The following HMBOX1 variants were observed in gnomAD, a reference collection of about 807,000 sequenced individuals.
The protein encoded by HMBOX1 is homeobox-containing protein 1.
Under a neutral mutation model 54.5 loss-of-function variants are expected in HMBOX1, and 14 were observed. The ratio of observed to expected loss-of-function variants is 0.26; its 90% CI spans 0.17 to 0.40. The LOEUF is 0.40. Ranked by LOEUF, HMBOX1 falls within the 10% of genes least tolerant of loss-of-function variation. HMBOX1 has a pLI of 1.00. For missense variants in HMBOX1, 332 were observed against 514.4 expected (o/e 0.65, Z 3.43); for synonymous variants, 160 against 181.0 (o/e 0.88, Z 0.93).
chr8:28,999,995 T>A (rs575524223), intron 4 of HMBOX1, among the ~76,000 whole-genome samples: 2 of 152,326 alleles, frequency 1.3e-5, no homozygotes, highest in South Asian at 4.1e-4. Flanking sequence ...CTAAGTAATG[T>A]GGAAACTCTG....
rs993225865 is a variant in HMBOX1, at chr8:29,051,727, G to C, written c.*572G>C. The C allele has an allele frequency of 4.6e-6, 3 of 658,510 alleles. No homozygotes were observed. The Admixed American group carries it at 6.3e-5, about 14-fold the overall frequency. The allele number at this position is 658,510 out of a possible 1,614,324, so 40.8% of individuals were successfully genotyped here. A position where few individuals can be genotyped will look rare whatever the true frequency, so the allele number is the denominator to read the frequency against. ...ACTGTGGCTAGATTATACTTCTTTG[G>C]GTGCTGTGCTAAGAATGTCAATGGA... On this transcript the variant is annotated 3_prime_UTR_variant, in exon 10 of 10. Transcript: ENST00000287701.
intron 1 of HMBOX1, among the ~76,000 whole-genome samples, chr8:28,915,233 A>G (rs1816276462): frequency 6.6e-6 from 1 of 152,164 alleles, no homozygotes; most frequent in Admixed American, 6.5e-5. Context: ...TATGAAGTAA[A>G]AAGAAACAGA....
At chr8:28,996,690 A>T (rs544484154) in intron 4 of HMBOX1, among the ~76,000 whole-genome samples, 1 of 152,242 alleles carries the variant, frequency 6.6e-6, no homozygotes, top group Non-Finnish European at 1.5e-5. Context: ...TTCCCAAATC[A>T]TGCAGATTTA....
At position 28,900,271 on chromosome 8, in the gene HMBOX1, A is replaced by AAATATAT. The variant is rs747317282; in HGVS notation, c.-58+9594_-58+9595insATATATA. Among the ~76,000 whole-genome samples, 196 of 70,344 alleles carry AAATATAT rather than the reference A, an allele frequency of 2.8e-3. 3 individuals carry two copies. The highest frequency in any genetic ancestry group is 6.0e-3 in the East Asian group (16 of 2,674). The allele number at this position is 70,344 out of a possible 152,430, so 46.1% of individuals were successfully genotyped here. A position where few individuals can be genotyped will look rare whatever the true frequency, so the allele number is the denominator to read the frequency against. ...TTCCGTCTCAAAAAAAAAAAAAAAAAATATATATATATATATATATTTTGT... is the reference window on the plus strand; with the variant it reads ...TTCCGTCTCAAAAAAAAAAAAAAAAAAATATATATATATATATATATATATATTTTGT... On this transcript the variant is annotated intron_variant, in intron 1 of 9. Transcript: ENST00000287701.
chr8:29,023,992 G>A (rs867530624), intron 6 of HMBOX1, among the ~76,000 whole-genome samples: 2 of 152,118 alleles, frequency 1.3e-5, no homozygotes, highest in Admixed American at 6.5e-5. Context: ...GTTATCTATC[G>A]ACGATTGTTT....
Position 29,050,266 on chromosome 8 carries a change from C to A in HMBOX1, c.1126-752C>A, listed in dbSNP as rs551588409. 4.1e-6 allele frequency: 4 copies of A among 972,338 alleles called. No homozygotes were observed. The African/African-American group carries it at 7.0e-5, about 17-fold the overall frequency. The allele number at this position is 972,338 out of a possible 1,614,324, so 60.2% of individuals were successfully genotyped here. ...CTGAAGATGACAGGTGAGAAACATA[C>A]CCCTTATTTGTAACACCATCTTCAG... On this transcript the variant is annotated intron_variant, in intron 9 of 9. Coordinates refer to ENST00000287701, the MANE Select transcript of HMBOX1 (RefSeq NM_001135726.3).
chr8:29,044,838 G>A (rs1267584163), intron 6 of HMBOX1, among the ~76,000 whole-genome samples: 1 of 152,056 alleles, frequency 6.6e-6, no homozygotes, highest in African/African-American at 2.4e-5. Flanking sequence ...CTACATATAA[G>A]TATAGATATC....
intron 1 of HMBOX1, among the ~76,000 whole-genome samples, chr8:28,962,100 A>G (rs1486351188): frequency 6.6e-6 from 1 of 151,602 alleles, no homozygotes; most frequent in East Asian, 1.9e-4. Context: ...ACCCATTTTT[A>G]TTTAGTTCCT....
intron 1 of HMBOX1, among the ~76,000 whole-genome samples, chr8:28,951,289 C>A (rs115983129): frequency 6.6e-6 from 1 of 152,102 alleles, no homozygotes; most frequent in Admixed American, 6.5e-5. Context: ...CATGCCACTA[C>A]GCCCAGCTAA....
chr8:28,947,317 C>T (rs1198516782), intron 1 of HMBOX1, among the ~76,000 whole-genome samples: 2 of 152,212 alleles, frequency 1.3e-5, no homozygotes, highest in Admixed American at 1.3e-4. Context: ...ATTTGTTAGA[C>T]TTCAGCTTTT....
At position 28,937,466 on chromosome 8, in the gene HMBOX1, G is replaced by A. The variant is rs1043124959; in HGVS notation, c.-57-26345G>A. On this transcript the variant is annotated intron_variant, in intron 1 of 9. Coordinates refer to ENST00000287701, the MANE Select transcript of HMBOX1 (RefSeq NM_001135726.3). ...CTTTCATCATGGCTCTGAAATTTTTGTTCTTCCATTAAAAAAAGTCCTTTT... is the reference window on the plus strand; with the variant it reads ...CTTTCATCATGGCTCTGAAATTTTTATTCTTCCATTAAAAAAAGTCCTTTT... Among the ~76,000 whole-genome samples, 5 of 151,954 alleles carry A rather than the reference G, an allele frequency of 3.3e-5. 1 individual carries two copies. The highest frequency in any genetic ancestry group is 7.4e-5 in the Non-Finnish European group (5 of 67,978).
intron 1 of HMBOX1, among the ~76,000 whole-genome samples, chr8:28,921,526 C>T (rs1817552291): frequency 6.6e-6 from 1 of 152,038 alleles, no homozygotes; most frequent in African/African-American, 2.4e-5. Flanking sequence ...TGAATACTAC[C>T]AATAATACCA....
At chr8:28,983,022 TCTC>T (rs569088302) in intron 4 of HMBOX1, among the ~76,000 whole-genome samples, 47 of 152,296 alleles carry the variant, frequency 3.1e-4, no homozygotes, top group African/African-American at 1.1e-3. Context: ...CCGGCTATCA[TCTC>T]CTGTTTTCGC....
At chr8:28,894,445 C>T (rs1434041819) in intron 1 of HMBOX1, among the ~76,000 whole-genome samples, 2 of 152,018 alleles carry the variant, frequency 1.3e-5, no homozygotes, top group African/African-American at 4.8e-5. Flanking sequence ...ATTATAGAAG[C>T]TGAGGAGATT....
chr8:28,905,612 T>G (rs969997555), intron 1 of HMBOX1, among the ~76,000 whole-genome samples: 5 of 152,218 alleles, frequency 3.3e-5, no homozygotes, highest in African/African-American at 1.2e-4. Context: ...TCTGCCTATC[T>G]AGAAGTGATT....
chr8:29,013,335 C>G (rs143659391), intron 5 of HMBOX1, among the ~76,000 whole-genome samples: 4,618 of 152,270 alleles, frequency 0.03, 249 homozygotes, highest in African/African-American at 0.11. Context: ...GGGGTTTCAC[C>G]ATGTTGGCCA....
chr8:28,973,813 T>TTTTTTTTTGTTG (rs1827888281), intron 3 of HMBOX1, among the ~76,000 whole-genome samples: 1 of 35,030 alleles, frequency 2.9e-5, no homozygotes, highest in African/African-American at 1.1e-4. Context: ...GTTTTTTTTT[T>TTTTTTTTTGTTG]TTTTTTTTTT....
chr8:29,024,431 A>T (rs998416959), intron 6 of HMBOX1, among the ~76,000 whole-genome samples: 1 of 152,208 alleles, frequency 6.6e-6, no homozygotes, highest in Admixed American at 6.5e-5. Flanking sequence ...TTCGGGCCTT[A>T]TGTAGGAGAT....
intron 1 of HMBOX1, among the ~76,000 whole-genome samples, chr8:28,941,992 C>T (rs1462213968): frequency 6.6e-6 from 1 of 152,186 alleles, no homozygotes; most frequent in Non-Finnish European, 1.5e-5. Context: ...CTTACAGCCT[C>T]CTTGGGAAGT....
Sources: gnomAD v4.1 joint callset for allele counts (sites outside exome capture counted in the v4.1 genomes callset) on GRCh38, gnomAD v4.1.1 for gene constraint, MANE v1.5 for transcripts, NCBI Gene and HGNC (gene_info 2026-07-23, HGNC 2026-07-21) for gene names.